Variants in COLGALT2 observed in about 807,000 individuals in gnomAD.
The protein encoded by COLGALT2 is procollagen galactosyltransferase 2.
COLGALT2 carries 49 observed loss-of-function variants against 73.4 expected under a neutral mutation model. That is an observed-to-expected ratio of 0.67 (90% CI 0.53 to 0.85). The LOEUF is 0.85. Ranked by LOEUF, COLGALT2 falls within the 40% of genes least tolerant of loss-of-function variation. COLGALT2 has a pLI of 0.00. For synonymous variants in COLGALT2, 295 were observed against 307.6 expected, an observed-to-expected ratio of 0.96 and a Z score of 0.43; for missense variants, 722 against 790.2, an observed-to-expected ratio of 0.91 and a Z score of 1.03.
chr1:183,993,191 T>C (rs1359805248), intron 1 of COLGALT2, among the ~76,000 whole-genome samples: 1 of 152,202 alleles, frequency 6.6e-6, no homozygotes, highest in Non-Finnish European at 1.5e-5. Context: ...TCATAATCCA[T>C]ATCTGGAAAG....
Position 183,936,509 on chromosome 1 carries a change from C to A in COLGALT2, c.*2252G>T. On this transcript the variant is annotated 3_prime_UTR_variant, in exon 12 of 12. Coordinates refer to ENST00000361927, the MANE Select transcript of COLGALT2 (RefSeq NM_015101.4). Reference sequence around the variant, plus strand: ...AGAGTTCTTAAATCTGTCAGACCAGCTGACAGGGGAACAGGAAAAAAAAAA... The same window carrying A: ...AGAGTTCTTAAATCTGTCAGACCAGATGACAGGGGAACAGGAAAAAAAAAA... 2 of 1,015,140 alleles carry A rather than the reference C, an allele frequency of 2.0e-6. No individual in the cohort carries two copies. The highest frequency in any genetic ancestry group is 2.4e-6 in the Non-Finnish European group (2 of 849,888). The allele number at this position is 1,015,140 out of a possible 1,614,324, so 62.9% of individuals were successfully genotyped here.
chr1:183,981,224 A>C (rs1671340142), intron 1 of COLGALT2, among the ~76,000 whole-genome samples: 2 of 152,212 alleles, frequency 1.3e-5, no homozygotes, highest in Admixed American at 1.3e-4. Flanking sequence ...AAAAATAAAT[A>C]AAGTTTCATC....
intron 2 of COLGALT2, 80 bp from the exon 3 acceptor site, chr1:183,975,294 T>G (rs1385825948): frequency 3.9e-6 from 3 of 768,062 alleles, no homozygotes; most frequent in Non-Finnish European, 6.3e-6. Flanking sequence ...ATGTATTCAT[T>G]TAATCTTCTA....
intron 8 of COLGALT2, among the ~76,000 whole-genome samples, chr1:183,949,313 G>C (rs1170989279): frequency 1.3e-5 from 2 of 152,130 alleles, no homozygotes; most frequent in African/African-American, 4.8e-5. Flanking sequence ...CAAAATTGAA[G>C]GACTCATACT....
chr1:184,020,898 C>T (rs1036507868), intron 1 of COLGALT2, among the ~76,000 whole-genome samples: 12 of 152,102 alleles, frequency 7.9e-5, no homozygotes, highest in African/African-American at 2.9e-4. Flanking sequence ...TGGTTGCAAG[C>T]CTTAGTTTCT....
At chr1:184,028,943 T>G (rs1649414719) in intron 1 of COLGALT2, among the ~76,000 whole-genome samples, 1 of 152,238 alleles carries the variant, frequency 6.6e-6, no homozygotes, top group African/African-American at 2.4e-5. Flanking sequence ...ACTAAAATAA[T>G]AATTGTTGCT....
chr1:183,940,822 T>A, intron 10 of COLGALT2, 35 bp from the exon 11 acceptor site: 1 of 1,548,420 alleles, frequency 6.5e-7, no homozygotes, highest in Non-Finnish European at 8.9e-7. Flanking sequence ...AAATTCCACC[T>A]TGACTATTAT....
At chr1:184,036,285 C>T (rs999294376) in intron 1 of COLGALT2, among the ~76,000 whole-genome samples, 12 of 152,230 alleles carry the variant, frequency 7.9e-5, no homozygotes, top group African/African-American at 2.9e-4. Context: ...CAAGGTGGGG[C>T]GGGCAGGCAC....
In COLGALT2 at chr1:183,936,594, C is replaced by A; in HGVS notation, c.*2167G>T. 1 of 1,167,288 alleles carries A rather than the reference C, an allele frequency of 8.6e-7. No individual in the cohort carries two copies. Among genetic ancestry groups the A allele is most frequent in the Non-Finnish European group, 1.1e-6 (1 of 948,074 alleles). 72.3% of individuals were successfully genotyped at this position (1,167,288 alleles called of 1,614,324 possible). A position where few individuals can be genotyped will look rare whatever the true frequency, so the allele number is the denominator to read the frequency against. ...CAAACTTCCTTCAACCCCAGCACCC[C>A]AGCCACCTCCCACCCCATTAAAAAA... On this transcript the variant is annotated 3_prime_UTR_variant, in exon 12 of 12. Coordinates refer to ENST00000361927, the MANE Select transcript of COLGALT2 (RefSeq NM_015101.4).
At chr1:184,015,096 T>TAA (rs71717219) in intron 1 of COLGALT2, among the ~76,000 whole-genome samples, 27,605 of 144,108 alleles carry the variant, frequency 0.19, 2,729 homozygotes, top group East Asian at 0.42. Flanking sequence ...TTCTAGTGGG[T>TAA]AAAAAAAAAA....
intron 1 of COLGALT2, among the ~76,000 whole-genome samples, chr1:183,994,822 A>G (rs1046485186): frequency 1.3e-5 from 2 of 152,200 alleles, no homozygotes; most frequent in Non-Finnish European, 2.9e-5. Context: ...GTAAGGTCTT[A>G]TGGGGAGTAA....
Position 183,963,892 on chromosome 1 carries a change from G to T in COLGALT2, c.952+9C>A, listed in dbSNP as rs373926980. On this transcript the variant is annotated intron_variant, in intron 6 of 11. Transcript: ENST00000361927. ...CGAGAGCCATCCCCTCTGCTCCTGG[G>T]TCACTCACTCATTGCTTCAATCTGC... is the stretch of plus-strand genomic sequence containing the variant. 3.1e-6 allele frequency: 5 copies of T among 1,596,478 alleles called. No individual in the cohort carries two copies. In the African/African-American group the frequency reaches 5.4e-5, roughly 17 times the overall value.
In COLGALT2 at chr1:184,031,629, G is replaced by C. The variant is rs554818671; in HGVS notation, c.263+5466C>G. On this transcript the variant is annotated intron_variant, in intron 1 of 11. Coordinates refer to ENST00000361927, the MANE Select transcript of COLGALT2 (RefSeq NM_015101.4). Reference sequence around the variant, plus strand: ...CTCGGTCTGCAACATTAGCTGCCTGGGTCACATCCTGGCTCCACCATGCAT... The same window carrying C: ...CTCGGTCTGCAACATTAGCTGCCTGCGTCACATCCTGGCTCCACCATGCAT... 1.3e-5 allele frequency among the ~76,000 whole-genome samples: 2 copies of C among 152,278 alleles called. 1 individual carries two copies. Among genetic ancestry groups the C allele is most frequent in the South Asian group, 4.2e-4 (2 of 4,818 alleles).
chr1:184,032,387 C>A (rs575184382), intron 1 of COLGALT2, among the ~76,000 whole-genome samples: 8 of 152,298 alleles, frequency 5.3e-5, no homozygotes, highest in Non-Finnish European at 7.4e-5. Context: ...ACTGTGCATA[C>A]CTTATATCAT....
At chr1:183,934,719 A>G (rs746746466), downstream of COLGALT2, among the ~76,000 whole-genome samples, 4 of 152,196 alleles carry the variant, frequency 2.6e-5, no homozygotes, top group Non-Finnish European at 5.9e-5. Context: ...CTGGGAAGAC[A>G]CATCTTTATT....
chr1:184,010,873 A>G (rs1299682534), intron 1 of COLGALT2, among the ~76,000 whole-genome samples: 14 of 152,210 alleles, frequency 9.2e-5, no homozygotes, highest in Admixed American at 9.2e-4. Flanking sequence ...GGCTGCTGAA[A>G]TAAAGGATCA....
At chr1:184,020,691 C>CT (rs1418906493) in intron 1 of COLGALT2, among the ~76,000 whole-genome samples, 2 of 152,158 alleles carry the variant, frequency 1.3e-5, no homozygotes, top group Non-Finnish European at 2.9e-5. Context: ...TTGAAATCAT[C>CT]TTTTTTGTTC....
intron 1 of COLGALT2, among the ~76,000 whole-genome samples, chr1:183,983,127 T>C (rs576107477): frequency 1.3e-5 from 2 of 152,350 alleles, no homozygotes; most frequent in South Asian, 4.1e-4. Context: ...CTGTCTGTAG[T>C]GTTACTTCCC....
In COLGALT2 at chr1:183,936,275, G is replaced by C; in HGVS notation, c.*2486C>G. 1.0e-6 allele frequency: 1 copy of C among 985,668 alleles called. No individual in the cohort carries two copies. Among genetic ancestry groups the C allele is most frequent in the Non-Finnish European group, 1.2e-6 (1 of 829,924 alleles). The allele number at this position is 985,668 out of a possible 1,614,324, so 61.1% of individuals were successfully genotyped here. On this transcript the variant is annotated 3_prime_UTR_variant, in exon 12 of 12. Coordinates refer to ENST00000361927, the MANE Select transcript of COLGALT2 (RefSeq NM_015101.4). Reference sequence around the variant, plus strand: ...AAGGGAGAGATAGGACAAATAATGAGGTCAAGGAACCTCTGGATTGCTGAA... The same window carrying C: ...AAGGGAGAGATAGGACAAATAATGACGTCAAGGAACCTCTGGATTGCTGAA...
Sources: gnomAD v4.1 joint callset for allele counts (sites outside exome capture counted in the v4.1 genomes callset) on GRCh38, gnomAD v4.1.1 for gene constraint, MANE v1.5 for transcripts, NCBI Gene and HGNC (gene_info 2026-07-23, HGNC 2026-07-21) for gene names.